The following ZNF107 variants were observed in gnomAD, a reference collection of about 807,000 sequenced individuals.
ZNF107 encodes the protein C2H2 type zinc-finger protein.
Under a neutral mutation model 12.3 loss-of-function variants are expected in ZNF107, and 19 were observed. That is an observed-to-expected ratio of 1.55 (90% CI 1.08 to 2.27). The LOEUF is 2.27. Among genes scored for constraint, ZNF107 ranks in the 30% most tolerant of loss-of-function variants. The pLI, the probability that ZNF107 is intolerant of heterozygous loss-of-function variation, is 0.00. For missense variants in ZNF107, 958 were observed against 979.9 expected (o/e 0.98, Z 0.30); for synonymous variants, 317 against 330.5 (o/e 0.96, Z 0.44).
intron 3 of ZNF107, among the ~76,000 whole-genome samples, chr7:64,696,128 C>G (rs147348358): frequency 0.012 from 1,798 of 152,042 alleles, 40 homozygotes; most frequent in African/African-American, 0.041. Flanking sequence ...TCTTGGCTCA[C>G]TGCAACCTCC....
intron 3 of ZNF107, among the ~76,000 whole-genome samples, chr7:64,696,524 T>C (rs1289982316): frequency 2.0e-5 from 3 of 152,128 alleles, no homozygotes; most frequent in Non-Finnish European, 2.9e-5. Flanking sequence ...CAAAAAAATA[T>C]ACTGTTCATT....
In ZNF107 at chr7:64,666,261, G is replaced by A. The variant is rs1788995515; in HGVS notation, c.-22G>A. On this transcript the variant is annotated 5_prime_UTR_variant, in exon 1 of 4. Coordinates refer to ENST00000620827, the MANE Select transcript of ZNF107 (RefSeq NM_001282359.2). Reference sequence around the variant, plus strand: ...TTGGGAGATCCACAGCTAAGACGCCGGGACTCCCTGGAAACCTAGAAATGG... The same window carrying A: ...TTGGGAGATCCACAGCTAAGACGCCAGGACTCCCTGGAAACCTAGAAATGG... 1 of 1,608,798 alleles carries A rather than the reference G, an allele frequency of 6.2e-7. No individual in the cohort carries two copies. The highest frequency in any genetic ancestry group is 1.7e-5 in the Admixed American group (1 of 59,804).
Position 64,694,976 on chromosome 7 carries a change from T to G in ZNF107, c.226+3016T>G, listed in dbSNP as rs115013524. ...ACAAATTATAGGATTTTCACCCACT[T>G]TCTTCAGCCTATATCTAAATAATAA... On this transcript the variant is annotated intron_variant, in intron 3 of 3. Transcript: ENST00000620827. Among the ~76,000 whole-genome samples, 1,457 of 152,182 alleles carry G rather than the reference T, an allele frequency of 9.6e-3. 21 individuals carry two copies. The highest frequency in any genetic ancestry group is 0.031 in the African/African-American group (1,298 of 41,534).
rs1790107558 is a variant in ZNF107, at chr7:64,691,234, T to C, written c.4-14T>C. 2.7e-6 allele frequency: 4 copies of C among 1,467,146 alleles called. No homozygotes were observed. The highest frequency in any genetic ancestry group is 2.7e-6 in the Non-Finnish European group (3 of 1,107,266). The allele number at this position is 1,467,146 out of a possible 1,614,324, so 90.9% of individuals were successfully genotyped here. Reference sequence around the variant, plus strand: ...TGGCTGCTTGGTAAATGTGTGTGTGTTTGTGTTTTTCAGGAACCACTGACA... The same window carrying C: ...TGGCTGCTTGGTAAATGTGTGTGTGCTTGTGTTTTTCAGGAACCACTGACA... On this transcript the variant is annotated splice_polypyrimidine_tract_variant and intron_variant, in intron 1 of 3. Transcript: ENST00000620827.
At chr7:64,690,060 G>A (rs567101695) in intron 1 of ZNF107, 8 of 152,300 alleles carry the variant, frequency 5.3e-5, no homozygotes, top group African/African-American at 9.6e-5. Context: ...AACTGAATAC[G>A]TGGTTGAATT....
intron 1 of ZNF107, among the ~76,000 whole-genome samples, chr7:64,683,958 G>A (rs1190898054): frequency 6.6e-6 from 1 of 152,140 alleles, no homozygotes; most frequent in Non-Finnish European, 1.5e-5. Flanking sequence ...ATTGTTACCT[G>A]TTTCGGCCTC....
chr7:64,690,624 AG>A, intron 1 of ZNF107: 1 of 789,962 alleles, frequency 1.3e-6, no homozygotes, highest in Middle Eastern at 6.2e-4. Flanking sequence ...CTGCAGATCC[AG>A]TAGTTTCCCA....
chr7:64,671,350 G>A (rs1024642589), intron 1 of ZNF107, among the ~76,000 whole-genome samples: 4 of 152,122 alleles, frequency 2.6e-5, no homozygotes, highest in African/African-American at 4.8e-5. Context: ...ACTAGGCACC[G>A]CCCTTAGGAA....
chr7:64,681,940 C>T (rs895514827), intron 1 of ZNF107, among the ~76,000 whole-genome samples: 2 of 152,048 alleles, frequency 1.3e-5, no homozygotes, highest in Admixed American at 1.3e-4. Flanking sequence ...CTACATCCCT[C>T]CTCTCAACCT....
chr7:64,700,759 C>G (rs1303206470), intron 3 of ZNF107, among the ~76,000 whole-genome samples: 1 of 151,848 alleles, frequency 6.6e-6, no homozygotes, highest in Non-Finnish European at 1.5e-5. Context: ...AGGCTGGTCT[C>G]GAACTCCTGA....
At chr7:64,678,782 T>G (rs1789529128) in intron 1 of ZNF107, among the ~76,000 whole-genome samples, 1 of 152,140 alleles carries the variant, frequency 6.6e-6, no homozygotes, top group East Asian at 1.9e-4. Flanking sequence ...GAGATAATAT[T>G]AGGGAAGCAT....
chr7:64,679,706 C>T (rs1406379527), intron 1 of ZNF107, among the ~76,000 whole-genome samples: 1 of 152,188 alleles, frequency 6.6e-6, no homozygotes, highest in Non-Finnish European at 1.5e-5. Context: ...GGAACCTAAA[C>T]ATCTCATTTT....
chr7:64,684,062 A>AC (rs1447260185), intron 1 of ZNF107, among the ~76,000 whole-genome samples: 7 of 152,034 alleles, frequency 4.6e-5, no homozygotes, highest in Admixed American at 1.3e-4. Flanking sequence ...GAATCTCCAC[A>AC]CCCCATACCA....
At chr7:64,680,886 A>G (rs1044232412) in intron 1 of ZNF107, among the ~76,000 whole-genome samples, 1 of 152,200 alleles carries the variant, frequency 6.6e-6, no homozygotes, top group East Asian at 1.9e-4. Flanking sequence ...CCCCAGCCAC[A>G]CCAATGGCCT....
intron 1 of ZNF107, chr7:64,687,339 T>G: frequency 1.0e-6 from 1 of 985,438 alleles, no homozygotes; most frequent in Non-Finnish European, 1.2e-6. Context: ...CTGCACCCAT[T>G]CCCATTATTG....
chr7:64,691,780 A>T (rs1790126689), intron 2 of ZNF107, 85 bp from the exon 3 acceptor site: 1 of 638,950 alleles, frequency 1.6e-6, no homozygotes, highest in Non-Finnish European at 2.2e-6. Flanking sequence ...ATTCTATTAC[A>T]TCCTCTTTAC....
intron 1 of ZNF107, among the ~76,000 whole-genome samples, chr7:64,668,586 T>G (rs1043184457): frequency 6.6e-6 from 1 of 152,136 alleles, no homozygotes; most frequent in Non-Finnish European, 1.5e-5. Context: ...ACTTGCATTT[T>G]ATTAGTATGA....
Position 64,666,267 on chromosome 7 carries a change from C to A in ZNF107, c.-16C>A. The A allele has an allele frequency of 6.2e-7, 1 of 1,609,546 alleles. No individual in the cohort carries two copies. The highest frequency in any genetic ancestry group is 8.5e-7 in the Non-Finnish European group (1 of 1,177,466). On this transcript the variant is annotated 5_prime_UTR_variant, in exon 1 of 4. Transcript: ENST00000620827. ...GATCCACAGCTAAGACGCCGGGACT[C>A]CCTGGAAACCTAGAAATGGTGAGAG...
At chr7:64,669,695 G>A (rs1789148868) in intron 1 of ZNF107, among the ~76,000 whole-genome samples, 2 of 152,078 alleles carry the variant, frequency 1.3e-5, no homozygotes, top group South Asian at 4.1e-4. Flanking sequence ...GGCTGAGGCA[G>A]GAGAATCACT....
Sources: allele counts gnomAD v4.1 joint callset (sites outside exome capture counted in the v4.1 genomes callset), GRCh38; gene constraint gnomAD v4.1.1; transcripts MANE v1.5; gene names NCBI Gene and HGNC (gene_info 2026-07-23, HGNC 2026-07-21).